The following ARHGEF10L variants were observed in gnomAD, a reference collection of about 807,000 sequenced individuals.
ARHGEF10L encodes rho guanine nucleotide exchange factor 10-like protein.
ARHGEF10L carries 69 observed loss-of-function variants against 141.2 expected under a neutral mutation model. That is an observed-to-expected ratio of 0.49 (90% confidence interval 0.40 to 0.60). The LOEUF is 0.60. Among genes scored for constraint, ARHGEF10L ranks in the 20% least tolerant of loss-of-function variants. The pLI is 0.00. For missense variants in ARHGEF10L, 1,482 were observed against 1,734.3 expected (o/e 0.85, Z 2.58); for synonymous variants, 711 against 718.5 (o/e 0.99, Z 0.17).
chr1:17,533,160 C>T, the ARHGEF10L span, among the ~76,000 whole-genome samples: 8 of 152,294 alleles, frequency 5.3e-5, no homozygotes, highest in East Asian at 7.7e-4. Flanking sequence ...GTCTTCTTGA[C>T]GAACATTCAA....
intron 26 of ARHGEF10L, among the ~76,000 whole-genome samples, chr1:17,676,970 A>G (rs2063761742): frequency 6.6e-6 from 1 of 151,142 alleles, no homozygotes; most frequent in African/African-American, 2.4e-5. Flanking sequence ...TCCCTCCTCC[A>G]TCGCACTCTC....
chr1:17,573,519 CCTT>C lies in ARHGEF10L; in HGVS notation c.-43-7031_-43-7029del, dbSNP rs1376245282. ...CCTCCGGCACTTCAGCTTCTTCACT[CCTT>C]CTGCTGGGCTGGATCGCCGGGGACA... is the stretch of plus-strand genomic sequence containing the variant. On this transcript the variant is annotated intron_variant, in intron 1 of 28. Transcript: ENST00000361221. The surrounding 1 kb of genome is among the most constrained non-coding windows in gnomAD (Gnocchi z 4.8). Among the ~76,000 whole-genome samples the C allele has an allele frequency of 2.6e-5, 4 of 152,130 alleles. No individual in the cohort carries two copies. Among genetic ancestry groups the C allele is most frequent in the Admixed American group, 6.6e-5 (1 of 15,264 alleles).
At chr1:17,564,909 A>G (rs2077687678) in intron 1 of ARHGEF10L, among the ~76,000 whole-genome samples, 1 of 152,204 alleles carries the variant, frequency 6.6e-6, no homozygotes, top group Non-Finnish European at 1.5e-5. Context: ...CCACTTCCTC[A>G]GTAATGCTTG....
intron 7 of ARHGEF10L, among the ~76,000 whole-genome samples, chr1:17,611,902 A>G (rs2059569180): frequency 1.3e-5 from 2 of 151,940 alleles, no homozygotes; most frequent in Middle Eastern, 3.2e-3. Flanking sequence ...ACCAAATATC[A>G]CTGTTGCTCA....
At chr1:17,594,543 T>C (rs1442861465) in intron 4 of ARHGEF10L, among the ~76,000 whole-genome samples, 1 of 152,190 alleles carries the variant, frequency 6.6e-6, no homozygotes, top group Non-Finnish European at 1.5e-5. Context: ...AGTGGCGTGA[T>C]CTTGGCTCAC....
At chr1:17,549,132 C>T (rs1191215705) in intron 1 of ARHGEF10L, among the ~76,000 whole-genome samples, 1 of 151,996 alleles carries the variant, frequency 6.6e-6, no homozygotes, top group Non-Finnish European at 1.5e-5. Context: ...GAGCGATTCT[C>T]CAGCCTCAGC....
chr1:17,681,403 C>A (rs1460050905), intron 26 of ARHGEF10L, among the ~76,000 whole-genome samples: 1 of 152,220 alleles, frequency 6.6e-6, no homozygotes, highest in Non-Finnish European at 1.5e-5. Context: ...GCTACTCCCC[C>A]AAATGCCATC....
rs201913456 is a variant in ARHGEF10L, at chr1:17,613,011, T to C, written c.610-47T>C. 227 of 1,322,202 alleles carry C rather than the reference T, an allele frequency of 1.7e-4. No individual in the cohort carries two copies. The African/African-American group carries it at 3.1e-3, about 18-fold the overall frequency. 81.9% of individuals were successfully genotyped at this position (1,322,202 alleles called of 1,614,324 possible). On this transcript the variant is annotated intron_variant, in intron 7 of 28. Coordinates refer to ENST00000361221, the MANE Select transcript of ARHGEF10L (RefSeq NM_018125.4). ...TGTTTTGTCTCCTTCCTGTCCCGCC[T>C]GCTCCTCTCACCTGCTTTCCTTCTG...
chr1:17,557,274 G>A (rs1480702368), intron 1 of ARHGEF10L, among the ~76,000 whole-genome samples: 2 of 151,536 alleles, frequency 1.3e-5, no homozygotes, highest in South Asian at 2.1e-4. Flanking sequence ...ACCCAGGAGG[G>A]GGAGGTTGCA....
At chr1:17,630,583 C>A (rs2060625852) in intron 15 of ARHGEF10L, among the ~76,000 whole-genome samples, 1 of 152,232 alleles carries the variant, frequency 6.6e-6, no homozygotes, top group Non-Finnish European at 1.5e-5. Flanking sequence ...ACACTGTGCA[C>A]TAGCTGCTCA....
the ARHGEF10L span, among the ~76,000 whole-genome samples, chr1:17,524,398 CA>C: frequency 2.0e-5 from 3 of 150,136 alleles, no homozygotes; most frequent in Admixed American, 6.6e-5. Context: ...CACACACACA[CA>C]CACACACACA....
At chr1:17,679,448 T>A (rs563435027) in intron 26 of ARHGEF10L, among the ~76,000 whole-genome samples, 1 of 152,266 alleles carries the variant, frequency 6.6e-6, no homozygotes, top group South Asian at 2.1e-4. Flanking sequence ...TGCCCAGGAT[T>A]GAGGAATTTC....
chr1:17,545,794 G>A (rs560758048), intron 1 of ARHGEF10L, among the ~76,000 whole-genome samples: 5 of 152,330 alleles, frequency 3.3e-5, no homozygotes, highest in Non-Finnish European at 7.3e-5. Context: ...ATGTGCACAT[G>A]TTACATACAG....
chr1:17,660,671 A>T (rs1402069130), intron 25 of ARHGEF10L, among the ~76,000 whole-genome samples: 1 of 152,008 alleles, frequency 6.6e-6, no homozygotes, highest in African/African-American at 2.4e-5. Context: ...TGGCTGGGGG[A>T]GGAGGGATGC....
chr1:17,549,271 C>A (rs528361950), intron 1 of ARHGEF10L, among the ~76,000 whole-genome samples: 8 of 152,304 alleles, frequency 5.3e-5, no homozygotes, highest in African/African-American at 1.7e-4. Context: ...GATTCTCCCA[C>A]CTCAGCCTCC....
chr1:17,671,270 C>T (rs2063307506), intron 26 of ARHGEF10L, among the ~76,000 whole-genome samples: 1 of 151,916 alleles, frequency 6.6e-6, no homozygotes, highest in East Asian at 1.9e-4. Flanking sequence ...TGCGCTGGGG[C>T]AGTTAGGGAA....
At chr1:17,571,877 C>G (rs896993739) in intron 1 of ARHGEF10L, among the ~76,000 whole-genome samples, 2 of 152,162 alleles carry the variant, frequency 1.3e-5, no homozygotes, top group Non-Finnish European at 2.9e-5. Flanking sequence ...AGAGGAGCTG[C>G]GTCTCTTGGT....
chr1:17,658,398 G>A (rs2062407556), intron 25 of ARHGEF10L, among the ~76,000 whole-genome samples: 1 of 152,136 alleles, frequency 6.6e-6, no homozygotes, highest in Non-Finnish European at 1.5e-5. Flanking sequence ...GACCAAAAGA[G>A]CCACTGGGAC....
intron 1 of ARHGEF10L, 124 bp from the exon 2 acceptor site, chr1:17,580,428 TG>T: frequency 1.3e-6 from 1 of 751,452 alleles, no homozygotes; most frequent in African/African-American, 1.7e-5. Flanking sequence ...GGGGCCTTTC[TG>T]GGGCTGCCCT....
Sources: allele counts gnomAD v4.1 joint callset (sites outside exome capture counted in the v4.1 genomes callset), GRCh38; gene constraint gnomAD v4.1.1; non-coding constraint Gnocchi (gnomAD v3.1); transcripts MANE v1.5; gene names NCBI Gene and HGNC (gene_info 2026-07-23, HGNC 2026-07-21).